Variants in EEPD1 observed in about 807,000 individuals in gnomAD.
EEPD1 encodes endonuclease/exonuclease/phosphatase family domain containing 1, also known as endonuclease/exonuclease/phosphatase family domain-containing protein 1.
Under a neutral mutation model 46.3 loss-of-function variants are expected in EEPD1, and 17 were observed. That is an observed-to-expected ratio of 0.37 (90% CI 0.25 to 0.55). The LOEUF (loss-of-function observed/expected upper bound fraction) is 0.55, where lower values mean the gene tolerates loss of function less well. Ranked by LOEUF, EEPD1 falls within the 20% of genes least tolerant of loss-of-function variation. EEPD1 has a pLI of 0.83. For missense variants in EEPD1, 673 were observed against 745.6 expected (o/e 0.90, Z 1.13); for synonymous variants, 313 against 315.6 (o/e 0.99, Z 0.09).
chr7:36,257,697 A>G (rs1013352796), intron 3 of EEPD1, among the ~76,000 whole-genome samples: 3 of 151,786 alleles, frequency 2.0e-5, no homozygotes, highest in African/African-American at 7.3e-5. Flanking sequence ...TCTTCTTTAA[A>G]CTGGTTATTC....
In EEPD1 at chr7:36,299,081, T is replaced by A. The variant is rs1787574261; in HGVS notation, c.1585T>A (p.Ser529Thr). ...TAACTGGTCTTGGGGCGGGGTGGCT[T>A]CTGAACACTGCCCAGTGCTAGCCGA... Reference protein sequence around the residue: ...PDNWSWGGVASEHCPVLAEFY... With the variant: ...PDNWSWGGVATEHCPVLAEFY... Residue 529 changes from serine to threonine, a missense_variant, in exon 8 of 8, where the codon TCT (serine) becomes ACT (threonine). Physicochemically the swap from Ser to Thr is moderately conservative, Grantham distance 58 (BLOSUM62 1). Transcript: ENST00000242108. 1 of 1,612,226 alleles carries A rather than the reference T, an allele frequency of 6.2e-7. No homozygotes were observed. The highest frequency in any genetic ancestry group is 8.5e-7 in the Non-Finnish European group (1 of 1,179,312).
chr7:36,291,884 C>T (rs1787446811), intron 6 of EEPD1, among the ~76,000 whole-genome samples: 1 of 152,206 alleles, frequency 6.6e-6, no homozygotes, highest in Non-Finnish European at 1.5e-5. Context: ...TCCCGCAGAG[C>T]CCAGCTGGGG....
chr7:36,169,829 T>A (rs1402202366), intron 2 of EEPD1, among the ~76,000 whole-genome samples: 3 of 152,236 alleles, frequency 2.0e-5, no homozygotes, highest in Non-Finnish European at 4.4e-5. Flanking sequence ...GCTTAAACAA[T>A]GTCCTGGAGA....
At chr7:36,292,441 G>C (rs1049209329) in intron 6 of EEPD1, among the ~76,000 whole-genome samples, 5 of 136,150 alleles carry the variant, frequency 3.7e-5, no homozygotes, top group African/African-American at 1.4e-4. Context: ...CTCTCTCTCT[G>C]TCTCTCCCTC....
intron 3 of EEPD1, among the ~76,000 whole-genome samples, chr7:36,257,066 CCTT>C (rs1043582766): frequency 1.3e-5 from 2 of 152,146 alleles, no homozygotes; most frequent in Non-Finnish European, 2.9e-5. Flanking sequence ...TTTTATTTCT[CCTT>C]CGCTTATGAA....
At chr7:36,244,713 C>T (rs560511537) in intron 3 of EEPD1, among the ~76,000 whole-genome samples, 25 of 151,790 alleles carry the variant, frequency 1.6e-4, no homozygotes, top group Middle Eastern at 3.2e-3. Flanking sequence ...TGTGAAACTG[C>T]TCTCTGTGAT....
At chr7:36,284,287 T>G (rs576074457) in intron 4 of EEPD1, among the ~76,000 whole-genome samples, 1 of 152,210 alleles carries the variant, frequency 6.6e-6, no homozygotes, top group Non-Finnish European at 1.5e-5. Flanking sequence ...GTCTCAGCAT[T>G]GTGATCAGCT....
chr7:36,204,802 T>TTTTG (rs145484333), intron 2 of EEPD1, among the ~76,000 whole-genome samples: 12,836 of 151,060 alleles, frequency 0.085, 822 homozygotes, highest in African/African-American at 0.18. Context: ...GTGACAGTGT[T>TTTTG]TTTGTTTGTT....
intron 6 of EEPD1, among the ~76,000 whole-genome samples, chr7:36,295,877 A>T (rs1029107206): frequency 6.6e-6 from 1 of 152,008 alleles, no homozygotes; most frequent in Non-Finnish European, 1.5e-5. Context: ...CTAAAAATAC[A>T]AAAGTTAGCA....
At chr7:36,190,087 G>A (rs1785435131) in intron 2 of EEPD1, among the ~76,000 whole-genome samples, 1 of 152,172 alleles carries the variant, frequency 6.6e-6, no homozygotes, top group Non-Finnish European at 1.5e-5. Flanking sequence ...AACACATAGT[G>A]AAGGCTGGGT....
chr7:36,235,137 A>C (rs1386813885), intron 2 of EEPD1, among the ~76,000 whole-genome samples: 1 of 133,982 alleles, frequency 7.5e-6, no homozygotes, highest in African/African-American at 2.9e-5. Context: ...GGCCTCCCCT[A>C]CAGCCTCCAG....
At chr7:36,267,930 G>A (rs1290933252) in intron 3 of EEPD1, among the ~76,000 whole-genome samples, 2 of 152,140 alleles carry the variant, frequency 1.3e-5, no homozygotes, top group Non-Finnish European at 2.9e-5. Context: ...TCTGCCATGC[G>A]AGGACACAGG....
At chr7:36,253,714 AT>A (rs1305811388) in intron 3 of EEPD1, among the ~76,000 whole-genome samples, 13 of 152,050 alleles carry the variant, frequency 8.5e-5, no homozygotes, top group African/African-American at 1.4e-4. Flanking sequence ...CTAGTAACAG[AT>A]TTTTTTAAAG....
chr7:36,218,208 A>G (rs773999986), intron 2 of EEPD1, among the ~76,000 whole-genome samples: 1 of 152,170 alleles, frequency 6.6e-6, no homozygotes, highest in Non-Finnish European at 1.5e-5. Flanking sequence ...TACTGAATAC[A>G]GTAGTCCCCC....
chr7:36,237,095 C>CAACT (rs1319740600), intron 2 of EEPD1, among the ~76,000 whole-genome samples: 2 of 152,210 alleles, frequency 1.3e-5, no homozygotes, highest in African/African-American at 4.8e-5. Context: ...GAGGAACGAA[C>CAACT]AACTCCACAC....
chr7:36,272,511 T>G (rs1208551163), intron 3 of EEPD1, among the ~76,000 whole-genome samples: 26 of 150,268 alleles, frequency 1.7e-4, no homozygotes, highest in South Asian at 2.1e-4. Context: ...TTGTTGTTTT[T>G]TTTTTTTTTT....
At chr7:36,184,753 CAG>C (rs1785334529) in intron 2 of EEPD1, among the ~76,000 whole-genome samples, 1 of 151,988 alleles carries the variant, frequency 6.6e-6, no homozygotes, top group South Asian at 2.1e-4. Flanking sequence ...TTTTTTGAGA[CAG>C]GGTCTCGCTC....
chr7:36,159,211 C>T (rs2726053), intron 2 of EEPD1, among the ~76,000 whole-genome samples: 1 of 152,256 alleles, frequency 6.6e-6, no homozygotes, highest in South Asian at 2.1e-4. Flanking sequence ...GGATCAGCTT[C>T]GCCCTGTTAC....
intron 2 of EEPD1, among the ~76,000 whole-genome samples, chr7:36,178,763 A>G (rs987118834): frequency 1.2e-4 from 19 of 152,126 alleles, no homozygotes; most frequent in Non-Finnish European, 2.5e-4. Context: ...GTGGCTTCCA[A>G]CTGTGCCTGG....
Sources: gnomAD v4.1 joint callset for allele counts (sites outside exome capture counted in the v4.1 genomes callset) on GRCh38, gnomAD v4.1.1 for gene constraint, MANE v1.5 for transcripts, NCBI Gene and HGNC (gene_info 2026-07-23, HGNC 2026-07-21) for gene names.